The following ELL variants were observed in gnomAD, a reference collection of about 807,000 sequenced individuals.
The protein encoded by ELL is elongation factor for RNA polymerase II.
A neutral mutation model predicts 64.0 loss-of-function variants in ELL; 18 were observed. The observed-to-expected ratio is 0.28, with a 90% CI of 0.19 to 0.42. ELL has a LOEUF of 0.42. Ranked by LOEUF, ELL falls within the 10% of genes least tolerant of loss-of-function variation. The pLI is 1.00. For synonymous variants in ELL, 399 were observed against 376.2 expected (o/e 1.06, Z -0.70); for missense variants, 797 against 870.4 (o/e 0.92, Z 1.06).
At chr19:18,519,265 C>T (rs377409074) in intron 1 of ELL, among the ~76,000 whole-genome samples, 1 of 152,060 alleles carries the variant, frequency 6.6e-6, no homozygotes, top group East Asian at 1.9e-4. Context: ...AATAAAAGCC[C>T]TCTCCACAAG....
intron 1 of ELL, among the ~76,000 whole-genome samples, chr19:18,498,209 G>A (rs1975702573): frequency 6.6e-6 from 1 of 152,130 alleles, no homozygotes; most frequent in South Asian, 2.1e-4. Flanking sequence ...ACTGAGAATG[G>A]GGGAGGCTGC....
At chr19:18,471,133 G>A (rs1975056945) in intron 2 of ELL, 2 of 383,308 alleles carry the variant, frequency 5.2e-6, no homozygotes, top group Non-Finnish European at 1.0e-5. Flanking sequence ...AGCACTTTGG[G>A]AGGCCAAGGT....
In ELL at chr19:18,451,610, C is replaced by G. The variant is rs769837014; in HGVS notation, c.908G>C (p.Gly303Ala). 6.7e-7 allele frequency: 1 copy of G among 1,503,068 alleles called. No individual in the cohort carries two copies. The highest frequency in any genetic ancestry group is 1.3e-5 in the South Asian group (1 of 78,962). 93.1% of individuals were successfully genotyped at this position (1,503,068 alleles called of 1,614,324 possible). ...CQPQSTGSLL[G>A]DPAASSPPGE... is the part of the protein sequence containing the mutation. The stretch of plus-strand genomic sequence containing the variant: ...TGGGGGGCTGGAGGCAGCAGGGTCT[C>G]CAAGGAGGCTGCCAGTGCTCTGTGG... The change falls in exon 7 of 12, where the codon GGA becomes GCA. Residue 303 changes from glycine (G) to alanine (A), a missense_variant. Gly to Ala is a moderately conservative substitution (Grantham distance 60, BLOSUM62 0). Transcript: ENST00000262809.
At chr19:18,480,177 G>A (rs1173454941) in intron 1 of ELL, among the ~76,000 whole-genome samples, 4 of 152,238 alleles carry the variant, frequency 2.6e-5, no homozygotes, top group African/African-American at 9.6e-5. Context: ...GGAAGGTGAA[G>A]TCCCGGGAAG....
At chr19:18,470,382 G>A (rs1975040528) in intron 2 of ELL, among the ~76,000 whole-genome samples, 1 of 152,248 alleles carries the variant, frequency 6.6e-6, no homozygotes. Flanking sequence ...GGCATGGGTG[G>A]TCAGGCAGCA....
At chr19:18,466,541 T>C (rs1394113723) in intron 2 of ELL, among the ~76,000 whole-genome samples, 2 of 152,156 alleles carry the variant, frequency 1.3e-5, no homozygotes, top group Non-Finnish European at 2.9e-5. Context: ...ACTTTGGCTG[T>C]GCCCCTGCAG....
chr19:18,489,977 C>T (rs576312770), intron 1 of ELL, among the ~76,000 whole-genome samples: 16 of 152,288 alleles, frequency 1.1e-4, no homozygotes, highest in African/African-American at 3.6e-4. Flanking sequence ...GCCCTGACCA[C>T]GCTGTGGAGC....
chr19:18,474,949 C>A (rs2144933390), intron 1 of ELL, among the ~76,000 whole-genome samples: 1 of 152,238 alleles, frequency 6.6e-6, no homozygotes, highest in South Asian at 2.1e-4. Flanking sequence ...ATGGTGAAAC[C>A]CCCATCTGTA....
rs1974417502 is a variant in ELL, at chr19:18,446,431, C to T, written c.1582G>A (p.Asp528Asn). 6.2e-7 allele frequency: 1 copy of T among 1,612,856 alleles called. No homozygotes were observed. The highest frequency in any genetic ancestry group is 8.5e-7 in the Non-Finnish European group (1 of 1,179,940). ...TACTCGCTGTACTCGGCATTGAAGTCGTTCTTGTAGCTCTGGCGCTGCTCC... is the reference window on the plus strand; with the variant it reads ...TACTCGCTGTACTCGGCATTGAAGTTGTTCTTGTAGCTCTGGCGCTGCTCC... Reference protein sequence around the residue: ...SSEQRQSYKNDFNAEYSEYRD... With the variant: ...SSEQRQSYKNNFNAEYSEYRD... The change falls in exon 10 of 12, where the codon GAC (aspartate) becomes AAC (asparagine). Residue 528 changes from aspartate (D) to asparagine (N), a missense_variant. By Grantham distance (23) the Asp-to-Asn change is conservative. Coordinates refer to ENST00000262809, the MANE Select transcript of ELL (RefSeq NM_006532.4).
intron 6 of ELL, among the ~76,000 whole-genome samples, chr19:18,453,849 A>G (rs1974593709): frequency 6.6e-6 from 1 of 152,222 alleles, no homozygotes; most frequent in African/African-American, 2.4e-5. Flanking sequence ...CATTATAGGC[A>G]TGAGCCACCA....
chr19:18,521,309 C>T (rs1976266801), intron 1 of ELL, among the ~76,000 whole-genome samples: 1 of 152,142 alleles, frequency 6.6e-6, no homozygotes, highest in Non-Finnish European at 1.5e-5. Flanking sequence ...ACTCCCCGTC[C>T]CAAGAACCAA....
chr19:18,502,062 C>T (rs1975789752), intron 1 of ELL, among the ~76,000 whole-genome samples: 1 of 152,174 alleles, frequency 6.6e-6, no homozygotes, highest in Admixed American at 6.5e-5. Flanking sequence ...TGAGCAGCAC[C>T]TGGCATGGGG....
intron 1 of ELL, among the ~76,000 whole-genome samples, chr19:18,504,532 T>A (rs1600497242): frequency 6.6e-6 from 1 of 152,120 alleles, no homozygotes; most frequent in Non-Finnish European, 1.5e-5. Flanking sequence ...GCAGCCTGGG[T>A]CCGGTCATCA....
intron 1 of ELL, among the ~76,000 whole-genome samples, chr19:18,480,656 A>G (rs575296289): frequency 6.6e-6 from 1 of 152,158 alleles, no homozygotes; most frequent in East Asian, 1.9e-4. Flanking sequence ...CTTTTTGGAG[A>G]TAAGCTCTCA....
rs150524261 is a variant in ELL at position 18,497,151 on chromosome 19, T to C, written c.136-24269A>G. Among the ~76,000 whole-genome samples the C allele has an allele frequency of 3.5e-3, 535 of 152,364 alleles. 1 individual carries two copies. Among genetic ancestry groups the C allele is most frequent in the Admixed American group, 7.8e-3 (120 of 15,306 alleles). On this transcript the variant is annotated intron_variant, in intron 1 of 11. Coordinates refer to ENST00000262809, the MANE Select transcript of ELL (RefSeq NM_006532.4). Reference sequence around the variant, plus strand: ...AGCAAACAAGATGTCCTTCAGTAGATGAATGGATAAATAAACCATGTCACA... The same window carrying C: ...AGCAAACAAGATGTCCTTCAGTAGACGAATGGATAAATAAACCATGTCACA...
rs181295157 is a variant in ELL, at chr19:18,480,154, T to C, written c.136-7272A>G. 7.9e-3 allele frequency among the ~76,000 whole-genome samples: 1,204 copies of C among 152,340 alleles called. 7 individuals are homozygous for C. The highest frequency in any genetic ancestry group is 0.012 in the African/African-American group (501 of 41,586). Reference sequence around the variant, plus strand: ...GGTCACCCTGCCAAGCCACGGCGTGTGGTCCAGCAGAGGGAAGGTGAAGTC... The same window carrying C: ...GGTCACCCTGCCAAGCCACGGCGTGCGGTCCAGCAGAGGGAAGGTGAAGTC... On this transcript the variant is annotated intron_variant, in intron 1 of 11. Coordinates refer to ENST00000262809, the MANE Select transcript of ELL (RefSeq NM_006532.4).
intron 3 of ELL, 22 bp from the exon 4 acceptor site, chr19:18,465,597 T>TG: frequency 6.4e-7 from 1 of 1,567,328 alleles, no homozygotes; most frequent in South Asian, 1.2e-5. Flanking sequence ...GGCCAGGAGC[T>TG]GGGGTCAGCA....
At chr19:18,473,325 G>C in intron 1 of ELL, 1 of 401,808 alleles carries the variant, frequency 2.5e-6, no homozygotes, top group South Asian at 1.8e-5. Context: ...GACCCATACA[G>C]GCAAAAGCAG....
chr19:18,503,231 C>T (rs749540861), intron 1 of ELL, among the ~76,000 whole-genome samples: 19 of 152,194 alleles, frequency 1.2e-4, no homozygotes, highest in African/African-American at 3.6e-4. Flanking sequence ...GTCAGGGCCG[C>T]GGGTATCTTT....
Sources: allele counts gnomAD v4.1 joint callset (sites outside exome capture counted in the v4.1 genomes callset), GRCh38; gene constraint gnomAD v4.1.1; transcripts MANE v1.5; gene names NCBI Gene and HGNC (gene_info 2026-07-23, HGNC 2026-07-21).